DDX54: variants seen among roughly 807,000 people sequenced by gnomAD.
The protein encoded by DDX54 is DEAD-box helicase 54.
Under a neutral mutation model 105.5 loss-of-function variants are expected in DDX54, and 67 were observed. That is an observed-to-expected ratio of 0.64 (90% CI 0.52 to 0.78). The LOEUF is 0.78. Ranked by LOEUF, DDX54 falls within the 30% of genes least tolerant of loss-of-function variation. The pLI, the probability that DDX54 is intolerant of heterozygous loss-of-function variation, is 0.00. For missense variants in DDX54, 1,206 were observed against 1,230.5 expected (o/e 0.98, Z 0.30); for synonymous variants, 514 against 509.9 (o/e 1.01, Z -0.11).
At chr12:113,174,603 T>G (rs992603241) in intron 10 of DDX54, 37 bp downstream of exon 10, 1 of 1,600,442 alleles carries the variant, frequency 6.2e-7, no homozygotes, top group African/African-American at 1.3e-5. Context: ...AAACTCCAGC[T>G]GAAGGAGGTG....
At chr12:113,166,060 G>A (rs1952271909) in intron 12 of DDX54, 28 bp from the exon 13 acceptor site, 3 of 1,577,958 alleles carry the variant, frequency 1.9e-6, no homozygotes, top group African/African-American at 2.7e-5. Context: ...CCTTGTCAGA[G>A]GTCTTTCAGC....
chr12:113,181,877 G>C (rs563901104), intron 1 of DDX54, among the ~76,000 whole-genome samples: 2 of 152,076 alleles, frequency 1.3e-5, no homozygotes, highest in Non-Finnish European at 2.9e-5. Context: ...TTCATGGCCA[G>C]GCGTGGTGGC....
chr12:113,160,222 A>G (rs1952186664), intron 19 of DDX54, among the ~76,000 whole-genome samples: 1 of 152,078 alleles, frequency 6.6e-6, no homozygotes, highest in Non-Finnish European at 1.5e-5. Context: ...GGCCCAGGCA[A>G]ATGCACGCAG....
intron 7 of DDX54, 96 bp from the exon 8 acceptor site, chr12:113,175,253 C>G: frequency 6.8e-7 from 1 of 1,466,168 alleles, no homozygotes; most frequent in Non-Finnish European, 9.0e-7. Context: ...CTGCAGTGTC[C>G]CAGGGCTTGC....
intron 18 of DDX54, 99 bp downstream of exon 18, chr12:113,161,780 GCCCCGCCCCCTCCT>G (rs1952211511): frequency 2.0e-5 from 5 of 255,650 alleles, no homozygotes; most frequent in South Asian, 1.8e-4. Context: ...AAGCCGCTCA[GCCCCGCCCCCTCCT>G]CCCCGCCCCC....
At chr12:113,162,074 C>T (rs112213187) in intron 17 of DDX54, 77 bp from the exon 18 acceptor site, 27,590 of 1,332,996 alleles carry the variant, frequency 0.021, 371 homozygotes, top group Non-Finnish European at 0.025. Context: ...GGCCTGTCTC[C>T]TCACCCGACC....
At chr12:113,160,973 C>T (rs12371562) in intron 19 of DDX54, among the ~76,000 whole-genome samples, 4,079 of 152,248 alleles carry the variant, frequency 0.027, 99 homozygotes, top group Non-Finnish European at 0.048. Context: ...CCTGTAGCTT[C>T]ATCTGTGAAG....
In DDX54 at chr12:113,157,643, C is replaced by A. The variant is rs1566090182; in HGVS notation, c.*1234G>T. On this transcript the variant is annotated 3_prime_UTR_variant, in exon 20 of 20. Coordinates refer to ENST00000306014, the MANE Select transcript of DDX54 (RefSeq NM_024072.4). ...AGGACCTCTCTGCCATGCTGGCCGG[C>A]CTGGGTCAGGCTGAGCCTGCAGCCC... 1 of 1,551,664 alleles carries A rather than the reference C, an allele frequency of 6.4e-7. No individual in the cohort carries two copies. Among genetic ancestry groups the A allele is most frequent in the African/African-American group, 1.4e-5 (1 of 73,188 alleles).
intron 8 of DDX54, 33 bp downstream of exon 8, chr12:113,175,003 C>A (rs780616116): frequency 8.2e-5 from 132 of 1,612,230 alleles, no homozygotes; most frequent in Non-Finnish European, 1.1e-4. Context: ...CAGCCTGACC[C>A]CCAGCCCCCA....
chr12:113,165,903 G>C lies in DDX54; in HGVS notation c.1544C>G (p.Ala515Gly), dbSNP rs781209268. ...GCGTGAGCGCACATACTGCTGCTGG[G>C]CGTTATCAGCAACGCGGGCCAGGCC... ...LRGLARVADN[A>G]QQQYVRSRPA... is the part of the protein sequence containing the mutation. Residue 515 changes from alanine (A) to glycine (G), a missense_variant, in exon 13 of 20, where the codon GCC (alanine) becomes GGC (glycine). Coordinates refer to ENST00000306014, the MANE Select transcript of DDX54 (RefSeq NM_024072.4). The C allele has an allele frequency of 6.2e-7, 1 of 1,613,682 alleles. No homozygotes were observed. The highest frequency in any genetic ancestry group is 8.5e-7 in the Non-Finnish European group (1 of 1,180,034).
intron 10 of DDX54, among the ~76,000 whole-genome samples, chr12:113,173,480 T>A (rs960174408): frequency 6.6e-6 from 1 of 152,136 alleles, no homozygotes; most frequent in African/African-American, 2.4e-5. Flanking sequence ...TGTCCTCAGA[T>A]AACAGACCCA....
chr12:113,177,155 C>T, intron 5 of DDX54, 62 bp from the exon 6 acceptor site: 2 of 1,590,086 alleles, frequency 1.3e-6, no homozygotes, highest in Non-Finnish European at 1.7e-6. Flanking sequence ...CTTCCCATAA[C>T]CAAATGTCCA....
chr12:113,178,856 T>G, intron 5 of DDX54, 121 bp downstream of exon 5: 1 of 1,366,534 alleles, frequency 7.3e-7, no homozygotes, highest in Non-Finnish European at 1.0e-6. Flanking sequence ...TTGGGTTTTT[T>G]GAATGAGCAC....
intron 3 of DDX54, 113 bp from the exon 4 acceptor site, chr12:113,179,444 G>T: frequency 8.3e-7 from 1 of 1,209,494 alleles, no homozygotes. Context: ...GAATGGGCAG[G>T]CACCCGTCAC....
intron 7 of DDX54, among the ~76,000 whole-genome samples, chr12:113,176,225 C>T (rs1952401505): frequency 6.6e-6 from 1 of 152,168 alleles, no homozygotes. Flanking sequence ...CTGTCTGGCT[C>T]CTGAGTCCAT....
At chr12:113,184,718 G>A (rs1337644967) in intron 1 of DDX54, among the ~76,000 whole-genome samples, 1 of 152,112 alleles carries the variant, frequency 6.6e-6, no homozygotes, top group Non-Finnish European at 1.5e-5. Context: ...CTCAGCTACC[G>A]GAGAGGCTGA....
chr12:113,158,917 C>T lies in DDX54; in HGVS notation c.2606G>A (p.Gly869Asp), dbSNP rs774364625. The change falls in exon 20 of 20, where the codon GGT becomes GAT. Residue 869 changes from glycine to aspartate, a missense_variant. By Grantham distance (94) the Gly-to-Asp change is moderately conservative. Transcript: ENST00000306014. The surrounding 1 kb of genome is among the most constrained non-coding windows in gnomAD (Gnocchi z 4.9). ...CATCTTGCCCTTCTTGGAGCGGGCA[C>T]CCCGGCCGAAGGCGCCCTGCTGCAG... ...QELQQGAFGR[G>D]ARSKKGKMRK... 3 of 1,608,664 alleles carry T rather than the reference C, an allele frequency of 1.9e-6. No homozygotes were observed. Among genetic ancestry groups the T allele is most frequent in the Non-Finnish European group, 2.6e-6 (3 of 1,176,234 alleles).
intron 14 of DDX54, among the ~76,000 whole-genome samples, chr12:113,164,516 C>T (rs973586101): frequency 1.3e-5 from 2 of 150,136 alleles, no homozygotes; most frequent in Non-Finnish European, 3.0e-5. Flanking sequence ...GAGTTCGAGA[C>T]TAGCCTGGCC....
intron 12 of DDX54, among the ~76,000 whole-genome samples, chr12:113,166,819 C>A (rs568768882): frequency 6.6e-6 from 1 of 152,278 alleles, no homozygotes; most frequent in South Asian, 2.1e-4. Flanking sequence ...TGAGGCTCAG[C>A]GAGGTTCAAT....
Sources: allele counts gnomAD v4.1 joint callset (sites outside exome capture counted in the v4.1 genomes callset), GRCh38; gene constraint gnomAD v4.1.1; non-coding constraint Gnocchi (gnomAD v3.1); transcripts MANE v1.5; gene names NCBI Gene and HGNC (gene_info 2026-07-23, HGNC 2026-07-21).